CNTNAP4: variants seen among roughly 807,000 people sequenced by gnomAD.
CNTNAP4 encodes contactin-associated protein-like 4.
CNTNAP4 carries 98 observed loss-of-function variants against 148.4 expected under a neutral mutation model. That is an observed-to-expected ratio of 0.66 (90% CI 0.56 to 0.78). The LOEUF is 0.78. Ranked by LOEUF, CNTNAP4 falls within the 30% of genes least tolerant of loss-of-function variation. The pLI is 0.00. For missense variants in CNTNAP4, 1,935 were observed against 1,565.6 expected (o/e 1.24, Z -3.98); for synonymous variants, 730 against 565.1 (o/e 1.29, Z -4.14).
intron 21 of CNTNAP4, among the ~76,000 whole-genome samples, chr16:76,553,072 C>T (rs916420528): frequency 3.3e-5 from 5 of 152,122 alleles, no homozygotes; most frequent in Admixed American, 1.3e-4. Context: ...TTTTAATAAT[C>T]CATGCTTAAA....
intron 15 of CNTNAP4, among the ~76,000 whole-genome samples, chr16:76,512,683 C>A (rs368929232): frequency 1.3e-5 from 2 of 152,178 alleles, no homozygotes; most frequent in East Asian, 3.9e-4. Context: ...CAAGATGGAA[C>A]AGCAGGAGTT....
chr16:76,545,350 A>G (rs1290664535), intron 21 of CNTNAP4, among the ~76,000 whole-genome samples: 1 of 152,230 alleles, frequency 6.6e-6, no homozygotes, highest in Non-Finnish European at 1.5e-5. Flanking sequence ...AAAGTAGATC[A>G]GAGGTGTCAT....
intron 3 of CNTNAP4, among the ~76,000 whole-genome samples, chr16:76,414,903 A>G (rs2078922294): frequency 1.3e-5 from 2 of 151,222 alleles, no homozygotes; most frequent in South Asian, 4.1e-4. Context: ...TCTTTCCCAG[A>G]TCAATCCTAA....
intron 21 of CNTNAP4, among the ~76,000 whole-genome samples, chr16:76,543,770 A>G (rs1190326407): frequency 1.3e-5 from 2 of 152,202 alleles, no homozygotes; most frequent in African/African-American, 2.4e-5. Flanking sequence ...CTTGGGAATC[A>G]TGGCCTTGGT....
intron 2 of CNTNAP4, among the ~76,000 whole-genome samples, chr16:76,353,599 A>C (rs2012151698): frequency 1.3e-5 from 2 of 151,962 alleles, no homozygotes; most frequent in Admixed American, 1.3e-4. Context: ...CTCCTAGATA[A>C]ATTGTTCAGA....
chr16:76,529,044 G>A (rs927061267), intron 17 of CNTNAP4, among the ~76,000 whole-genome samples: 18 of 152,176 alleles, frequency 1.2e-4, no homozygotes, highest in African/African-American at 2.9e-4. Flanking sequence ...TAACATCAGC[G>A]TAATGTGATA....
At chr16:76,426,464 C>A (rs971496765) in intron 3 of CNTNAP4, among the ~76,000 whole-genome samples, 6 of 152,058 alleles carry the variant, frequency 3.9e-5, no homozygotes. Context: ...GAAGGAGGAC[C>A]ATGACAAGGA....
intron 15 of CNTNAP4, among the ~76,000 whole-genome samples, chr16:76,518,425 G>C (rs2083333296): frequency 2.0e-5 from 3 of 152,052 alleles, no homozygotes; most frequent in African/African-American, 7.2e-5. Flanking sequence ...ACCGTGCCTG[G>C]CCTAAAAAAT....
intron 4 of CNTNAP4, among the ~76,000 whole-genome samples, chr16:76,445,756 G>A (rs575123800): frequency 1.3e-5 from 2 of 152,198 alleles, no homozygotes; most frequent in Admixed American, 6.5e-5. Context: ...AATTCTCTTG[G>A]TAGCTAATTT....
intron 3 of CNTNAP4, among the ~76,000 whole-genome samples, chr16:76,365,589 A>G (rs993028408): frequency 6.6e-5 from 10 of 151,922 alleles, no homozygotes; most frequent in Non-Finnish European, 1.0e-4. Flanking sequence ...TGTCTCTACT[A>G]AAAATACAAA....
intron 5 of CNTNAP4, 48 bp downstream of exon 5, chr16:76,448,263 A>C: frequency 3.8e-6 from 5 of 1,329,332 alleles, no homozygotes; most frequent in Non-Finnish European, 5.3e-6. Context: ...TTTAGATATC[A>C]CCTAAGTCAC....
intron 9 of CNTNAP4, among the ~76,000 whole-genome samples, chr16:76,465,852 G>A (rs754512926): frequency 2.6e-5 from 4 of 152,110 alleles, no homozygotes; most frequent in Non-Finnish European, 5.9e-5. Flanking sequence ...AAAATGTTTC[G>A]GTGTGTCTGA....
At chr16:76,414,345 AGC>A (rs1468444646) in intron 3 of CNTNAP4, among the ~76,000 whole-genome samples, 1 of 151,420 alleles carries the variant, frequency 6.6e-6, no homozygotes, top group Non-Finnish European at 1.5e-5. Flanking sequence ...TTAAATATTA[AGC>A]AATTCTTGCA....
chr16:76,291,911 C>T (rs1959132960), intron 1 of CNTNAP4, among the ~76,000 whole-genome samples: 2 of 152,168 alleles, frequency 1.3e-5, no homozygotes, highest in South Asian at 4.1e-4. Context: ...CATACGCATG[C>T]TTTCCCATCC....
chr16:76,522,357 C>G (rs560370227), intron 17 of CNTNAP4, 100 bp downstream of exon 17: 2 of 969,896 alleles, frequency 2.1e-6, no homozygotes, highest in East Asian at 2.6e-5. Context: ...ATAATAACAA[C>G]AAGCAATAAT....
intron 4 of CNTNAP4, among the ~76,000 whole-genome samples, chr16:76,445,474 T>C (rs1333137156): frequency 3.3e-5 from 5 of 152,152 alleles, no homozygotes; most frequent in African/African-American, 7.2e-5. Context: ...ATTCATAGAA[T>C]TGCATTGTCG....
Position 76,558,870 on chromosome 16 carries a change from A to G in CNTNAP4, c.*187A>G, listed in dbSNP as rs2085307968. On this transcript the variant is annotated 3_prime_UTR_variant, in exon 24 of 24. Transcript: ENST00000611870. Reference sequence around the variant, plus strand: ...CAGTGATATATTTCTCATAGCATTCATTCTATGGAACAAGAAATTAGATAT... The same window carrying G: ...CAGTGATATATTTCTCATAGCATTCGTTCTATGGAACAAGAAATTAGATAT... The G allele has an allele frequency of 2.2e-6, 1 of 464,008 alleles. No individual in the cohort carries two copies. The highest frequency in any genetic ancestry group is 3.9e-5 in the Admixed American group (1 of 25,318). 28.7% of individuals were successfully genotyped at this position (464,008 alleles called of 1,614,324 possible). A position where few individuals can be genotyped will look rare whatever the true frequency, so the allele number is the denominator to read the frequency against.
intron 3 of CNTNAP4, 80 bp downstream of exon 3, chr16:76,355,591 T>C: frequency 9.6e-7 from 1 of 1,045,592 alleles, no homozygotes. Context: ...ATCTCTTAAA[T>C]TAAGTAGACA....
intron 17 of CNTNAP4, among the ~76,000 whole-genome samples, chr16:76,523,919 G>T (rs2083599467): frequency 6.6e-6 from 1 of 152,078 alleles, no homozygotes; most frequent in Admixed American, 6.6e-5. Flanking sequence ...GACAGAGGGA[G>T]CCCCTGTCTC....
Sources: allele counts gnomAD v4.1 joint callset (sites outside exome capture counted in the v4.1 genomes callset), GRCh38; gene constraint gnomAD v4.1.1; transcripts MANE v1.5; gene names NCBI Gene and HGNC (gene_info 2026-07-23, HGNC 2026-07-21).